The following HDX variants were observed in gnomAD, a reference collection of about 807,000 sequenced individuals.
The protein encoded by HDX is highly divergent homeobox.
A neutral mutation model predicts 45.2 loss-of-function variants in HDX; 19 were observed. The ratio of observed to expected loss-of-function variants is 0.42; its 90% CI spans 0.29 to 0.62. The LOEUF is 0.62. HDX is among the 20% of genes least tolerant of loss of function. The pLI, the probability that HDX is intolerant of heterozygous loss-of-function variation, is 0.20. For missense variants in HDX, 532 were observed against 493.9 expected (o/e 1.08, Z -0.73); for synonymous variants, 188 against 172.8 (o/e 1.09, Z -0.69).
At chrX:84,462,596 C>A (rs969172588) in intron 4 of HDX, among the ~76,000 whole-genome samples, 10 of 110,943 alleles carry the variant, frequency 9.0e-5, no homozygotes, top group Admixed American at 3.8e-4. Flanking sequence ...TTGTGCTGTT[C>A]TTTTGATACT....
intron 7 of HDX, among the ~76,000 whole-genome samples, chrX:84,342,792 C>CTCAACATA (rs1484609741): frequency 1.2e-3 from 135 of 111,327 alleles, no homozygotes; most frequent in African/African-American, 4.2e-3. Flanking sequence ...TAAGGAAAGA[C>CTCAACATA]TGTAATCATG....
chrX:84,437,024 G>A (rs1014007720), intron 5 of HDX, among the ~76,000 whole-genome samples: 1 of 110,058 alleles, frequency 9.1e-6, no homozygotes, highest in South Asian at 3.8e-4. Context: ...CTCCAGTATT[G>A]GATGCATATA....
chrX:84,475,063 G>T (rs763664434), intron 3 of HDX, among the ~76,000 whole-genome samples, 188 bp downstream of exon 3: 1 of 111,695 alleles, frequency 9.0e-6, no homozygotes, highest in South Asian at 3.7e-4. Flanking sequence ...TGTGTTCAAG[G>T]TATTTATAGA....
chrX:84,453,771 C>T (rs2040055486), intron 4 of HDX, among the ~76,000 whole-genome samples: 2 of 111,759 alleles, frequency 1.8e-5, no homozygotes, highest in African/African-American at 3.3e-5. Flanking sequence ...TGCCAGCTGT[C>T]CCCCAACCCT....
At chrX:84,397,889 A>G (rs975195644) in intron 5 of HDX, among the ~76,000 whole-genome samples, 5 of 111,395 alleles carry the variant, frequency 4.5e-5, no homozygotes, top group African/African-American at 9.8e-5. Context: ...AAGCAGACAA[A>G]TGTAGAACCT....
chrX:84,342,675 C>T (rs1336692913), intron 7 of HDX, among the ~76,000 whole-genome samples: 1 of 110,795 alleles, frequency 9.0e-6, no homozygotes, highest in Non-Finnish European at 1.9e-5. Flanking sequence ...TGTATTCATA[C>T]ATCTTAAAGC....
chrX:84,422,401 C>A (rs1891199830), intron 5 of HDX, among the ~76,000 whole-genome samples: 1 of 110,427 alleles, frequency 9.1e-6, no homozygotes, highest in African/African-American at 3.3e-5. Flanking sequence ...TTTATAAGTG[C>A]CTACATCAAG....
intron 5 of HDX, among the ~76,000 whole-genome samples, chrX:84,439,372 AT>A (rs3085363): frequency 0.071 from 7,593 of 106,237 alleles, 422 homozygotes; most frequent in East Asian, 0.42. Context: ...GCTGTTCATA[AT>A]TTTTTTTTTT....
intron 6 of HDX, among the ~76,000 whole-genome samples, chrX:84,356,747 C>G (rs1037359802): frequency 9.3e-6 from 1 of 107,518 alleles, no homozygotes; most frequent in East Asian, 3.0e-4. Flanking sequence ...CTCAGCTTCC[C>G]GAGTAGCTGG....
intron 4 of HDX, among the ~76,000 whole-genome samples, chrX:84,448,250 G>T (rs766416835): frequency 9.0e-6 from 1 of 111,726 alleles, no homozygotes; most frequent in Non-Finnish European, 1.9e-5. Context: ...TGCCATGGCT[G>T]CTGTCATCAC....
At chrX:84,369,701 T>C (rs371524812) in intron 5 of HDX, among the ~76,000 whole-genome samples, 11 of 112,388 alleles carry the variant, frequency 9.8e-5, no homozygotes, top group East Asian at 8.4e-4. Context: ...TGATTAGTGA[T>C]GTTGAGCATC....
chrX:84,415,337 C>T lies in HDX; in HGVS notation c.1305+25195G>A, dbSNP rs748583681. Among the ~76,000 whole-genome samples the T allele has an allele frequency of 6.2e-5, 7 of 112,116 alleles. No homozygotes were observed. The South Asian group carries it at 1.5e-3, about 24-fold the overall frequency. On this transcript the variant is annotated intron_variant, in intron 5 of 10. Transcript: ENST00000373177. ...TACAAAAGGGAAGAAGACACTTGCC[C>T]TTTCCTGTTTTGCTTCCTATTTCTC... is the stretch of plus-strand genomic sequence containing the variant.
At chrX:84,440,482 A>G in intron 5 of HDX, 50 bp downstream of exon 5, 1 of 888,406 alleles carries the variant, frequency 1.1e-6, no homozygotes, top group African/African-American at 2.0e-5. Flanking sequence ...CATTTTTACT[A>G]ACAGCACAAG....
At chrX:84,351,555 C>G (rs2037361644) in intron 6 of HDX, among the ~76,000 whole-genome samples, 1 of 111,307 alleles carries the variant, frequency 9.0e-6, no homozygotes, top group Non-Finnish European at 1.9e-5. Flanking sequence ...TTAGACTGCC[C>G]TTTTCCTGGT....
intron 5 of HDX, among the ~76,000 whole-genome samples, chrX:84,403,292 G>T (rs537689770): frequency 9.0e-6 from 1 of 111,178 alleles, no homozygotes; most frequent in East Asian, 2.8e-4. Flanking sequence ...AAGGTTAAAT[G>T]AAATGTCTTT....
chrX:84,457,821 C>T (rs1193741936), intron 4 of HDX, among the ~76,000 whole-genome samples: 1 of 111,949 alleles, frequency 8.9e-6, no homozygotes, highest in Non-Finnish European at 1.9e-5. Context: ...ATGTGTACTA[C>T]AATTTTAATT....
At chrX:84,475,193 A>T in intron 3 of HDX, 58 bp downstream of exon 3, 1 of 1,011,716 alleles carries the variant, frequency 9.9e-7, no homozygotes, top group Admixed American at 3.0e-5. Flanking sequence ...TCTCATATTA[A>T]GCAAATATCA....
intron 5 of HDX, among the ~76,000 whole-genome samples, chrX:84,439,581 T>C (rs757045017): frequency 1.3e-4 from 15 of 111,442 alleles, no homozygotes; most frequent in Non-Finnish European, 2.5e-4. Context: ...AATTTTCATA[T>C]GAGAGGTAGG....
intron 5 of HDX, among the ~76,000 whole-genome samples, chrX:84,406,232 T>G (rs1267871245): frequency 9.0e-6 from 1 of 111,151 alleles, no homozygotes; most frequent in Non-Finnish European, 1.9e-5. Flanking sequence ...ATAGATAGTA[T>G]GCCAACATAG....
Sources: gnomAD v4.1 joint callset for allele counts (sites outside exome capture counted in the v4.1 genomes callset) on GRCh38, gnomAD v4.1.1 for gene constraint, MANE v1.5 for transcripts, NCBI Gene and HGNC (gene_info 2026-07-23, HGNC 2026-07-21) for gene names.